The following BACE2 variants were observed in gnomAD, a reference collection of about 807,000 sequenced individuals.
BACE2 encodes 56 kDa aspartic-like protease.
Under a neutral mutation model 46.2 loss-of-function variants are expected in BACE2, and 17 were observed. That is an observed-to-expected ratio of 0.37 (90% CI 0.25 to 0.55). The LOEUF (loss-of-function observed/expected upper bound fraction) is 0.55, where lower values mean the gene tolerates loss of function less well. Among genes scored for constraint, BACE2 ranks in the 20% least tolerant of loss-of-function variants. BACE2 has a pLI of 0.82. For synonymous variants in BACE2, 277 were observed against 295.9 expected (o/e 0.94, Z 0.66); for missense variants, 595 against 698.1 (o/e 0.85, Z 1.66).
chr21:41,261,742 C>T (rs1000798651), intron 8 of BACE2, among the ~76,000 whole-genome samples: 4 of 151,822 alleles, frequency 2.6e-5, no homozygotes, highest in African/African-American at 9.7e-5. Context: ...TATATAAGGA[C>T]GTTCCATTTT....
intron 1 of BACE2, among the ~76,000 whole-genome samples, chr21:41,195,499 C>T (rs7281095): frequency 1.6e-3 from 243 of 152,344 alleles, no homozygotes; most frequent in African/African-American, 5.3e-3. Context: ...CCTTACACCT[C>T]CATTCTCTGT....
intron 1 of BACE2, among the ~76,000 whole-genome samples, chr21:41,211,186 C>A (rs534783358): frequency 5.3e-5 from 8 of 151,794 alleles, no homozygotes; most frequent in East Asian, 3.9e-4. Flanking sequence ...CCCTCTCCCC[C>A]CTTCACTGCC....
chr21:41,173,466 GC>G (rs991811045), intron 1 of BACE2, among the ~76,000 whole-genome samples: 2 of 152,182 alleles, frequency 1.3e-5, no homozygotes, highest in Non-Finnish European at 2.9e-5. Flanking sequence ...GTCAGGCGGG[GC>G]GCGGTGGCTC....
intron 1 of BACE2, among the ~76,000 whole-genome samples, chr21:41,213,829 T>C (rs1055282170): frequency 5.3e-5 from 8 of 152,064 alleles, no homozygotes; most frequent in African/African-American, 2.4e-5. Context: ...GAGAAAGTTT[T>C]GACTGTTTCC....
At chr21:41,208,232 T>G (rs945698384) in intron 1 of BACE2, among the ~76,000 whole-genome samples, 1 of 152,222 alleles carries the variant, frequency 6.6e-6, no homozygotes, top group Non-Finnish European at 1.5e-5. Flanking sequence ...TTTCTCTTTC[T>G]CTTCCAAGTG....
At chr21:41,272,284 A>G (rs2088441714) in intron 8 of BACE2, among the ~76,000 whole-genome samples, 1 of 151,816 alleles carries the variant, frequency 6.6e-6, no homozygotes, top group African/African-American at 2.4e-5. Context: ...GTGCGCTATT[A>G]TAATCTATGT....
chr21:41,250,728 C>T lies in BACE2; in HGVS notation c.985-24C>T, dbSNP rs769944027. The T allele has an allele frequency of 2.5e-6, 4 of 1,613,146 alleles. No individual in the cohort carries two copies. In the African/African-American group the frequency reaches 4.0e-5, roughly 16 times the overall value. On this transcript the variant is annotated intron_variant, in intron 6 of 8. Transcript: ENST00000330333. ...TGACGTGCCAGACTAGTCATGGTTT[C>T]TGATGTGATCTTGTTTTGTCTAGAT... is the stretch of plus-strand genomic sequence containing the variant.
chr21:41,260,089 G>A (rs559912035), intron 8 of BACE2, among the ~76,000 whole-genome samples: 2 of 150,114 alleles, frequency 1.3e-5, no homozygotes, highest in Admixed American at 1.3e-4. Flanking sequence ...CGGCCCCGCC[G>A]TGGCCTCCCA....
chr21:41,248,146 C>CGACCCTGCCGCAGT (rs1222979884), intron 6 of BACE2, among the ~76,000 whole-genome samples: 7 of 152,120 alleles, frequency 4.6e-5, no homozygotes, highest in African/African-American at 1.7e-4. Context: ...GGGCTCGTTC[C>CGACCCTGCCGCAGT]GACCCTGCCG....
chr21:41,182,273 C>T (rs1985159505), intron 1 of BACE2: 1 of 167,092 alleles, frequency 6.0e-6, no homozygotes. Context: ...CAGGTTTAGT[C>T]CTGGATCTGT....
intron 1 of BACE2, among the ~76,000 whole-genome samples, chr21:41,224,127 G>A (rs1392712440): frequency 9.2e-5 from 14 of 151,978 alleles, no homozygotes; most frequent in Admixed American, 9.2e-4. Flanking sequence ...ACAAACACTG[G>A]TCCCAGCTAA....
At chr21:41,243,829 T>A (rs1053095906) in intron 5 of BACE2, among the ~76,000 whole-genome samples, 8 of 152,206 alleles carry the variant, frequency 5.3e-5, no homozygotes, top group African/African-American at 1.9e-4. Context: ...AAGCTCAGTT[T>A]AAGAGGTTGA....
chr21:41,182,407 G>A (rs1367621901), intron 1 of BACE2: 1 of 166,970 alleles, frequency 6.0e-6, no homozygotes, highest in Non-Finnish European at 1.5e-5. Context: ...CTGTCTTTAA[G>A]GTTTTAGCAA....
At chr21:41,239,397 A>C (rs927105739) in intron 3 of BACE2, among the ~76,000 whole-genome samples, 1 of 151,884 alleles carries the variant, frequency 6.6e-6, no homozygotes, top group South Asian at 2.1e-4. Flanking sequence ...TATTTTTTTG[A>C]GAGAGAGTCT....
intron 1 of BACE2, among the ~76,000 whole-genome samples, chr21:41,208,907 A>G (rs957316793): frequency 2.0e-5 from 3 of 152,152 alleles, no homozygotes; most frequent in Non-Finnish European, 4.4e-5. Context: ...CAGGGGCAGA[A>G]CAACCACCTG....
In BACE2 at chr21:41,278,770, G is replaced by C. The variant is rs962603707; in HGVS notation, c.*3146G>C. 6 of 152,116 alleles carry C rather than the reference G, an allele frequency of 3.9e-5. No individual in the cohort carries two copies. The highest frequency in any genetic ancestry group is 7.3e-5 in the Non-Finnish European group (5 of 68,032). The allele number at this position is 152,116 out of a possible 1,614,324, so 9.4% of individuals were successfully genotyped here. On this transcript the variant is annotated 3_prime_UTR_variant, in exon 9 of 9. Coordinates refer to ENST00000330333, the MANE Select transcript of BACE2 (RefSeq NM_012105.5). ...AAACTTGTTAAATTCCTCTTTCCCT[G>C]TCCCTGCTTGGTGGAGCTGCCACGT... is the stretch of plus-strand genomic sequence containing the variant.
chr21:41,242,193 C>T (rs1186844962), intron 4 of BACE2, among the ~76,000 whole-genome samples: 1 of 151,194 alleles, frequency 6.6e-6, no homozygotes, highest in Non-Finnish European at 1.5e-5. Flanking sequence ...TTTTCTTTAC[C>T]GCCCTTGGAA....
chr21:41,211,311 T>G (rs1424154651), intron 1 of BACE2, among the ~76,000 whole-genome samples: 2 of 152,140 alleles, frequency 1.3e-5, no homozygotes, highest in African/African-American at 4.8e-5. Flanking sequence ...GCTCACACTC[T>G]CACACATGCA....
chr21:41,224,216 T>TC (rs1441259103), intron 1 of BACE2, among the ~76,000 whole-genome samples: 6 of 140,652 alleles, frequency 4.3e-5, no homozygotes, highest in Admixed American at 7.0e-5. Flanking sequence ...TTGATTTTTT[T>TC]TTTTTTTTTT....
Sources: gnomAD v4.1 joint callset for allele counts (sites outside exome capture counted in the v4.1 genomes callset) on GRCh38, gnomAD v4.1.1 for gene constraint, MANE v1.5 for transcripts, NCBI Gene and HGNC (gene_info 2026-07-23, HGNC 2026-07-21) for gene names.